The following OSBPL8 variants were observed in gnomAD, a reference collection of about 807,000 sequenced individuals.
OSBPL8 encodes oxysterol-binding protein-related protein 8.
In OSBPL8, 59 loss-of-function variants were observed where a neutral mutation model predicts 125.5. That is an observed-to-expected ratio of 0.47 (90% CI 0.38 to 0.58). The LOEUF is 0.58. Ranked by LOEUF, OSBPL8 falls within the 20% of genes least tolerant of loss-of-function variation. The pLI, the probability that OSBPL8 is intolerant of heterozygous loss-of-function variation, is 0.00. For missense variants in OSBPL8, 758 were observed against 1,047.8 expected, an observed-to-expected ratio of 0.72 and a Z score of 3.82; for synonymous variants, 330 against 338.9, an observed-to-expected ratio of 0.97 and a Z score of 0.29.
chr12:76,407,370 C>T (rs1335904229), intron 5 of OSBPL8, among the ~76,000 whole-genome samples: 1 of 152,160 alleles, frequency 6.6e-6, no homozygotes, highest in Non-Finnish European at 1.5e-5. Context: ...CCTGCCTTAG[C>T]CCCCCAGGTA....
intron 4 of OSBPL8, among the ~76,000 whole-genome samples, chr12:76,429,694 T>C (rs1287391893): frequency 6.6e-6 from 1 of 152,074 alleles, no homozygotes; most frequent in Non-Finnish European, 1.5e-5. Flanking sequence ...AAAGGAGTAT[T>C]CTTGTTTTAT....
At chr12:76,396,726 C>G (rs1288010909) in intron 8 of OSBPL8, among the ~76,000 whole-genome samples, 1 of 152,120 alleles carries the variant, frequency 6.6e-6, no homozygotes. Flanking sequence ...TGCAGTCCAG[C>G]CTAGGTGACA....
At chr12:76,395,788 G>A (rs1382274371) in intron 8 of OSBPL8, among the ~76,000 whole-genome samples, 1 of 151,982 alleles carries the variant, frequency 6.6e-6, no homozygotes, top group Non-Finnish European at 1.5e-5. Context: ...ACTCATAGCT[G>A]TTACTATTTC....
chr12:76,558,014 G>A (rs1017193480), intron 1 of OSBPL8, among the ~76,000 whole-genome samples: 2 of 152,036 alleles, frequency 1.3e-5, no homozygotes, highest in African/African-American at 4.8e-5. Flanking sequence ...GAATGTGACC[G>A]CAATAACTTG....
intron 2 of OSBPL8, among the ~76,000 whole-genome samples, chr12:76,473,647 C>T (rs557143462): frequency 1.3e-5 from 2 of 152,324 alleles, no homozygotes; most frequent in East Asian, 3.9e-4. Flanking sequence ...ACAATTTTGC[C>T]ATGCTGATAT....
chr12:76,374,933 C>A (rs970246417), intron 17 of OSBPL8, among the ~76,000 whole-genome samples: 9 of 152,272 alleles, frequency 5.9e-5, no homozygotes, highest in Middle Eastern at 3.4e-3. Flanking sequence ...CACATATCTT[C>A]TGGTATTTGG....
intron 1 of OSBPL8, among the ~76,000 whole-genome samples, chr12:76,539,388 T>C (rs1474114678): frequency 1.3e-5 from 2 of 151,878 alleles, no homozygotes; most frequent in East Asian, 1.9e-4. Flanking sequence ...AAGAAAATAT[T>C]AGAAAAATAA....
At chr12:76,386,071 G>C in intron 14 of OSBPL8, 97 bp downstream of exon 14, 1 of 1,482,934 alleles carries the variant, frequency 6.7e-7, no homozygotes, top group Non-Finnish European at 9.0e-7. Flanking sequence ...AAATAAGAAA[G>C]GCTAAATAAT....
intron 21 of OSBPL8, among the ~76,000 whole-genome samples, chr12:76,364,925 G>T (rs1952358894): frequency 6.6e-6 from 1 of 152,118 alleles, no homozygotes; most frequent in African/African-American, 2.4e-5. Flanking sequence ...ATATTGACAT[G>T]GATTGTGGCG....
At chr12:76,555,114 T>C (rs1388210933) in intron 1 of OSBPL8, among the ~76,000 whole-genome samples, 1 of 152,232 alleles carries the variant, frequency 6.6e-6, no homozygotes, top group East Asian at 1.9e-4. Flanking sequence ...TCATGGCTTA[T>C]AGTCACATCA....
chr12:76,476,991 A>C (rs558585020), intron 2 of OSBPL8, among the ~76,000 whole-genome samples: 1 of 152,334 alleles, frequency 6.6e-6, no homozygotes, highest in East Asian at 1.9e-4. Flanking sequence ...TGAAAGGTAG[A>C]GGTCCTGTCT....
intron 4 of OSBPL8, among the ~76,000 whole-genome samples, chr12:76,447,698 C>T (rs1025273816): frequency 2.0e-5 from 3 of 152,120 alleles, no homozygotes; most frequent in Non-Finnish European, 4.4e-5. Context: ...TGCCCGCCAC[C>T]AAGCCTGGCT....
At chr12:76,460,759 C>T (rs994409851) in intron 2 of OSBPL8, among the ~76,000 whole-genome samples, 2 of 152,064 alleles carry the variant, frequency 1.3e-5, no homozygotes, top group African/African-American at 4.8e-5. Context: ...CTGGTAGAAA[C>T]AGAGTTCTCA....
At chr12:76,446,255 A>G (rs1592696639) in intron 4 of OSBPL8, among the ~76,000 whole-genome samples, 1 of 152,308 alleles carries the variant, frequency 6.6e-6, no homozygotes, top group Admixed American at 6.5e-5. Flanking sequence ...AGGCAGATAC[A>G]TCAGAGGTTT....
At chr12:76,430,568 T>C (rs1398364915) in intron 4 of OSBPL8, among the ~76,000 whole-genome samples, 2 of 152,204 alleles carry the variant, frequency 1.3e-5, no homozygotes, top group African/African-American at 4.8e-5. Flanking sequence ...CATCATGAAC[T>C]GCTTCACAAA....
At chr12:76,395,566 T>C (rs1953756049) in intron 8 of OSBPL8, among the ~76,000 whole-genome samples, 2 of 56,842 alleles carry the variant, frequency 3.5e-5, no homozygotes, top group Non-Finnish European at 6.4e-5. Flanking sequence ...ATCTGCATTT[T>C]CAAATAGCTT....
At chr12:76,385,146 A>C (rs1383716815) in intron 14 of OSBPL8, among the ~76,000 whole-genome samples, 1 of 152,232 alleles carries the variant, frequency 6.6e-6, no homozygotes, top group Admixed American at 6.5e-5. Flanking sequence ...AATTTCATGA[A>C]GAATTAAATC....
intron 8 of OSBPL8, 46 bp downstream of exon 8, chr12:76,397,648 G>A (rs775428334): frequency 6.5e-7 from 1 of 1,546,916 alleles, no homozygotes; most frequent in Non-Finnish European, 8.9e-7. Context: ...TTCTATTCAT[G>A]GATTATCATC....
rs535981838 is a variant in OSBPL8, at chr12:76,436,664, T to C, written c.217+14187A>G. On this transcript the variant is annotated intron_variant, in intron 4 of 23. Coordinates refer to ENST00000261183, the MANE Select transcript of OSBPL8 (RefSeq NM_020841.5). ...ACTTAACTTAATAAAAAACTCATGG[T>C]AGTATACTCATTTTTTTCATCTAGT... is the stretch of plus-strand genomic sequence containing the variant. Among the ~76,000 whole-genome samples, 8 of 152,310 alleles carry C rather than the reference T, an allele frequency of 5.3e-5. No individual in the cohort carries two copies. In the South Asian group the frequency reaches 1.2e-3, roughly 24 times the overall value.
Sources: gnomAD v4.1 joint callset for allele counts (sites outside exome capture counted in the v4.1 genomes callset) on GRCh38, gnomAD v4.1.1 for gene constraint, MANE v1.5 for transcripts, NCBI Gene and HGNC (gene_info 2026-07-23, HGNC 2026-07-21) for gene names.